The following AGPAT3 variants were observed in gnomAD, a reference collection of about 807,000 sequenced individuals.
AGPAT3 encodes 1-acyl-sn-glycerol-3-phosphate acyltransferase gamma.
In AGPAT3, 5 loss-of-function variants were observed where a neutral mutation model predicts 47.3. That is an observed-to-expected ratio of 0.11 (90% confidence interval 0.06 to 0.22). The LOEUF (loss-of-function observed/expected upper bound fraction) is 0.22. Among genes scored for constraint, AGPAT3 ranks in the 10% least tolerant of loss-of-function variants. The pLI is 1.00. For synonymous variants in AGPAT3, 212 were observed against 208.3 expected (o/e 1.02, Z -0.15); for missense variants, 315 against 493.0 (o/e 0.64, Z 3.42).
intron 2 of AGPAT3, among the ~76,000 whole-genome samples, chr21:43,928,302 G>A (rs1033864213): frequency 3.9e-5 from 6 of 152,238 alleles, no homozygotes; most frequent in Non-Finnish European, 8.8e-5. Context: ...TTTTGAAAAT[G>A]CCTGCTCAGA....
chr21:43,895,168 G>A (rs539230394), intron 1 of AGPAT3, among the ~76,000 whole-genome samples: 9 of 151,372 alleles, frequency 5.9e-5, no homozygotes, highest in African/African-American at 2.2e-4. Context: ...GCAGTGGTGC[G>A]ATCTCGGCTC....
chr21:43,870,329 G>T (rs113007882), intron 1 of AGPAT3, among the ~76,000 whole-genome samples: 2 of 152,094 alleles, frequency 1.3e-5, no homozygotes, highest in African/African-American at 4.8e-5. Flanking sequence ...TATGTTTGTC[G>T]TGCAGTTCAG....
chr21:43,878,143 TCC>T (rs2123558293), intron 1 of AGPAT3, among the ~76,000 whole-genome samples: 1 of 151,922 alleles, frequency 6.6e-6, no homozygotes, highest in Admixed American at 6.6e-5. Context: ...GATGTCAGTG[TCC>T]CCCGACCTCA....
At chr21:43,957,855 C>T (rs779735289) in intron 2 of AGPAT3, among the ~76,000 whole-genome samples, 7 of 151,904 alleles carry the variant, frequency 4.6e-5, no homozygotes, top group Admixed American at 1.3e-4. Context: ...GTTGTAGGGC[C>T]GCTCAGTAGG....
intron 2 of AGPAT3, among the ~76,000 whole-genome samples, chr21:43,935,092 G>C (rs887056128): frequency 2.6e-5 from 4 of 152,226 alleles, no homozygotes; most frequent in East Asian, 3.8e-4. Flanking sequence ...GGCTGGACAG[G>C]GGGGGCTTCT....
In AGPAT3 at chr21:43,865,248, C is replaced by A; in HGVS notation, c.-209C>A. ...ACTCGCTGAGGCCCCGACGCAGGGC[C>A]GGGCCGGGCCCAGGGCCGAGGAGCG... On this transcript the variant is annotated 5_prime_UTR_variant, in exon 1 of 10. Transcript: ENST00000291572. 6.8e-6 allele frequency: 1 copy of A among 147,288 alleles called. No individual in the cohort carries two copies. The highest frequency in any genetic ancestry group is 1.8e-4 in the South Asian group (1 of 5,570). The allele number at this position is 147,288 out of a possible 1,614,324, so 9.1% of individuals were successfully genotyped here. A position where few individuals can be genotyped will look rare whatever the true frequency, so the allele number is the denominator to read the frequency against.
intron 2 of AGPAT3, among the ~76,000 whole-genome samples, chr21:43,905,823 G>C (rs927931755): frequency 6.6e-6 from 1 of 152,228 alleles, no homozygotes; most frequent in African/African-American, 2.4e-5. Flanking sequence ...GGGCTGAGAG[G>C]AGGGCATGGG....
At chr21:43,924,016 GT>G (rs1157852920) in intron 2 of AGPAT3, among the ~76,000 whole-genome samples, 1 of 151,648 alleles carries the variant, frequency 6.6e-6, no homozygotes, top group African/African-American at 2.4e-5. Flanking sequence ...AATGTAAGGT[GT>G]TTTTTTTGGT....
chr21:43,925,607 T>C (rs2087028925), intron 2 of AGPAT3, among the ~76,000 whole-genome samples: 1 of 152,252 alleles, frequency 6.6e-6, no homozygotes, highest in Non-Finnish European at 1.5e-5. Context: ...CTGTGCCCTC[T>C]GGGCTGGACT....
chr21:43,979,312 A>AG (rs1358222838), intron 8 of AGPAT3, among the ~76,000 whole-genome samples: 2 of 146,000 alleles, frequency 1.4e-5, no homozygotes, highest in East Asian at 2.0e-4. Context: ...AAAAAAAAAA[A>AG]AAAAGAAAGA....
chr21:43,954,912 C>T lies in AGPAT3; in HGVS notation c.-48-4722C>T, dbSNP rs955087744. On this transcript the variant is annotated intron_variant, in intron 2 of 9. Coordinates refer to ENST00000291572, the MANE Select transcript of AGPAT3 (RefSeq NM_020132.5). This position sits in a 1 kb window ranked among gnomAD's most constrained non-coding sequence, Gnocchi z 4.0. ...GCTCTCCGGGGAGTCTCTGCGTAGA[C>T]TTTCTAGCCCAGAGGTTCAGGTGAT... 2 of 714,182 alleles carry T rather than the reference C, an allele frequency of 2.8e-6. No individual in the cohort carries two copies. Among genetic ancestry groups the T allele is most frequent in the Non-Finnish European group, 3.7e-6 (2 of 544,358 alleles). 44.2% of individuals were successfully genotyped at this position (714,182 alleles called of 1,614,324 possible).
intron 2 of AGPAT3, among the ~76,000 whole-genome samples, chr21:43,944,897 C>T (rs1264722041): frequency 6.6e-6 from 1 of 152,214 alleles, no homozygotes; most frequent in Non-Finnish European, 1.5e-5. Context: ...TGCGGGGGGG[C>T]CACGTGCCCT....
At chr21:43,947,945 C>T (rs986830189) in intron 2 of AGPAT3, among the ~76,000 whole-genome samples, 28 of 152,158 alleles carry the variant, frequency 1.8e-4, no homozygotes, top group African/African-American at 6.8e-4. Flanking sequence ...CATGAGCCAC[C>T]GTGCCCAGCC....
intron 2 of AGPAT3, among the ~76,000 whole-genome samples, chr21:43,906,795 G>A (rs1241006524): frequency 1.3e-5 from 2 of 152,244 alleles, no homozygotes; most frequent in Non-Finnish European, 2.9e-5. Flanking sequence ...TACTTGCCCA[G>A]GGGAGCAGCA....
Position 43,936,907 on chromosome 21 carries a change from T to G in AGPAT3, c.-48-22727T>G, listed in dbSNP as rs372340207. Among the ~76,000 whole-genome samples, 234 of 152,378 alleles carry G rather than the reference T, an allele frequency of 1.5e-3. 11 individuals are homozygous for G. The South Asian group carries it at 0.046, about 30-fold the overall frequency. On this transcript the variant is annotated intron_variant, in intron 2 of 9. Transcript: ENST00000291572. The stretch of plus-strand genomic sequence containing the variant: ...CTAAAATTTGTTAAAATCTTCAAGA[T>G]GTGAACAAGCTTTTTTCCTCTTAAA...
Position 43,939,649 on chromosome 21 carries a change from C to T in AGPAT3, c.-48-19985C>T, listed in dbSNP as rs2087585650. Among the ~76,000 whole-genome samples the T allele has an allele frequency of 6.6e-6, 1 of 152,186 alleles. No homozygotes were observed. Among genetic ancestry groups the T allele is most frequent in the Non-Finnish European group, 1.5e-5 (1 of 68,026 alleles). On this transcript the variant is annotated intron_variant, in intron 2 of 9. Transcript: ENST00000291572. The surrounding 1 kb of genome is among the most constrained non-coding windows in gnomAD (Gnocchi z 4.4). ...TCTCTGTTGAGCCCACAGCCATGCCCCACATGCAGGACGTTTGCCTATCAC... is the reference window on the plus strand; with the variant it reads ...TCTCTGTTGAGCCCACAGCCATGCCTCACATGCAGGACGTTTGCCTATCAC...
intron 1 of AGPAT3, among the ~76,000 whole-genome samples, chr21:43,870,238 T>C (rs2085594501): frequency 6.6e-6 from 1 of 152,178 alleles, no homozygotes; most frequent in African/African-American, 2.4e-5. Context: ...CACACGTGTT[T>C]CAGTGCACAC....
intron 2 of AGPAT3, among the ~76,000 whole-genome samples, chr21:43,956,556 A>C (rs556044513): frequency 6.6e-6 from 1 of 152,188 alleles, no homozygotes; most frequent in Admixed American, 6.5e-5. Context: ...CTTTCTGTCT[A>C]GGGTATTAAT....
chr21:43,935,015 A>G (rs1264859604), intron 2 of AGPAT3, among the ~76,000 whole-genome samples: 1 of 148,414 alleles, frequency 6.7e-6, no homozygotes, highest in African/African-American at 2.5e-5. Flanking sequence ...TACCCATGCC[A>G]CCCATGTGCC....
Sources: gnomAD v4.1 joint callset for allele counts (sites outside exome capture counted in the v4.1 genomes callset) on GRCh38, gnomAD v4.1.1 for gene constraint, Gnocchi (gnomAD v3.1) non-coding constraint, MANE v1.5 for transcripts, NCBI Gene and HGNC (gene_info 2026-07-23, HGNC 2026-07-21) for gene names.